The following COL12A1 variants were observed in gnomAD, a reference collection of about 807,000 sequenced individuals.
The protein encoded by COL12A1 is collagen alpha-1(XII) chain.
In COL12A1, 114 loss-of-function variants were observed where a neutral mutation model predicts 349.7. That is an observed-to-expected ratio of 0.33 (90% CI 0.28 to 0.38). The LOEUF is 0.38. Ranked by LOEUF, COL12A1 falls within the 10% of genes least tolerant of loss-of-function variation. The pLI is 1.00. For missense variants in COL12A1, 3,284 were observed against 3,756.9 expected (o/e 0.87, Z 3.29); for synonymous variants, 1,369 against 1,329.0 (o/e 1.03, Z -0.66).
chr6:75,182,763 C>T (rs1259650580), intron 10 of COL12A1, among the ~76,000 whole-genome samples: 1 of 152,184 alleles, frequency 6.6e-6, no homozygotes, highest in African/African-American at 2.4e-5. Flanking sequence ...GTAAATGACA[C>T]ATACATATGA....
chr6:75,191,851 A>G, intron 4 of COL12A1, 91 bp from the exon 5 acceptor site: 3 of 752,392 alleles, frequency 4.0e-6, no homozygotes, highest in Non-Finnish European at 5.8e-6. Context: ...AGTTTTTGTT[A>G]TTGTCTCTTA....
chr6:75,175,931 T>C (rs1768916307), intron 12 of COL12A1, among the ~76,000 whole-genome samples: 1 of 152,224 alleles, frequency 6.6e-6, no homozygotes, highest in Admixed American at 6.5e-5. Context: ...TCATGTCCTC[T>C]TTGAAGGTTC....
At chr6:75,192,126 G>C (rs1769962528) in intron 4 of COL12A1, 86 bp downstream of exon 4, 1 of 1,098,202 alleles carries the variant, frequency 9.1e-7, no homozygotes, top group Admixed American at 3.0e-5. Context: ...AATTAACTTT[G>C]TATCATAAAA....
intron 13 of COL12A1, among the ~76,000 whole-genome samples, chr6:75,174,770 A>C (rs889971880): frequency 2.0e-5 from 3 of 152,050 alleles, no homozygotes; most frequent in Non-Finnish European, 4.4e-5. Flanking sequence ...CTTTCAACCA[A>C]CCCATGGAAC....
chr6:75,174,583 T>C (rs966473693), intron 13 of COL12A1, among the ~76,000 whole-genome samples: 2 of 152,138 alleles, frequency 1.3e-5, no homozygotes, highest in African/African-American at 4.8e-5. Context: ...TGGATTCTTA[T>C]ATTTCTTGAG....
At position 75,159,391 on chromosome 6, in the gene COL12A1, C is replaced by T. The variant is rs4708175; in HGVS notation, c.2984-2868G>A. Among the ~76,000 whole-genome samples the T allele has an allele frequency of 2.7e-5, 4 of 146,024 alleles. No individual in the cohort carries two copies. In the Admixed American group the frequency reaches 2.8e-4, roughly 10 times the overall value. On this transcript the variant is annotated intron_variant, in intron 14 of 65. Coordinates refer to ENST00000322507, the MANE Select transcript of COL12A1 (RefSeq NM_004370.6). Reference sequence around the variant, plus strand: ...TATTATTATTCTCCAGGTACGTGAACTATTAAAAGAAAAAAAGTTTATATA... The same window carrying T: ...TATTATTATTCTCCAGGTACGTGAATTATTAAAAGAAAAAAAGTTTATATA...
chr6:75,113,381 ATAAT>A, intron 50 of COL12A1, 68 bp from the exon 51 acceptor site: 4 of 1,104,762 alleles, frequency 3.6e-6, no homozygotes, highest in Non-Finnish European at 5.0e-6. Flanking sequence ...GTATTAGCAA[ATAAT>A]TCTTGTTGGA....
chr6:75,095,674 T>A (rs1037449920), intron 59 of COL12A1, among the ~76,000 whole-genome samples: 1 of 151,314 alleles, frequency 6.6e-6, no homozygotes, highest in African/African-American at 2.4e-5. Context: ...TAAAAAACTC[T>A]TGACAACTAC....
intron 3 of COL12A1, among the ~76,000 whole-genome samples, chr6:75,192,882 C>T (rs2149480085): frequency 6.6e-6 from 1 of 152,166 alleles, no homozygotes; most frequent in Middle Eastern, 3.4e-3. Context: ...TAATGGGTAA[C>T]ATTGACCTCT....
intron 3 of COL12A1, among the ~76,000 whole-genome samples, chr6:75,193,684 A>G (rs1770069140): frequency 6.6e-6 from 1 of 151,330 alleles, no homozygotes; most frequent in African/African-American, 2.4e-5. Context: ...GCACCCATTA[A>G]CTCTTTACAT....
At chr6:75,150,630 G>A (rs1767432650) in intron 21 of COL12A1, among the ~76,000 whole-genome samples, 1 of 152,012 alleles carries the variant, frequency 6.6e-6, no homozygotes, top group Non-Finnish European at 1.5e-5. Flanking sequence ...ATTTAAAAAA[G>A]GTACCAAAAC....
chr6:75,146,392 A>C, intron 23 of COL12A1, 148 bp from the exon 24 acceptor site: 1 of 894,392 alleles, frequency 1.1e-6, no homozygotes, highest in Non-Finnish European at 1.5e-6. Context: ...AATCCTTCCC[A>C]TTGCCCCAAA....
intron 36 of COL12A1, among the ~76,000 whole-genome samples, chr6:75,130,536 T>C (rs1432166346): frequency 6.6e-6 from 1 of 151,892 alleles, no homozygotes. Flanking sequence ...CCCTCACATT[T>C]CCAAAGTCCC....
intron 53 of COL12A1, 146 bp downstream of exon 53, chr6:75,106,273 G>C: frequency 1.5e-6 from 1 of 654,336 alleles, no homozygotes; most frequent in Non-Finnish European, 2.6e-6. Context: ...CTTTTCTGTA[G>C]TAGCTGGTGA....
intron 10 of COL12A1, among the ~76,000 whole-genome samples, chr6:75,182,145 G>A (rs1170994593): frequency 6.6e-6 from 1 of 151,744 alleles, no homozygotes; most frequent in Non-Finnish European, 1.5e-5. Context: ...AGCCAACTGA[G>A]TGAAAGTGAT....
intron 10 of COL12A1, among the ~76,000 whole-genome samples, chr6:75,182,519 T>C (rs2149464560): frequency 6.6e-6 from 1 of 152,328 alleles, no homozygotes; most frequent in East Asian, 1.9e-4. Context: ...GCTTCATCCA[T>C]GTCCCTGAAA....
chr6:75,094,378 T>G (rs892326162), intron 60 of COL12A1, among the ~76,000 whole-genome samples: 1 of 152,114 alleles, frequency 6.6e-6, no homozygotes, highest in Non-Finnish European at 1.5e-5. Flanking sequence ...ATTGCTTAAA[T>G]AAATTCACAC....
chr6:75,129,271 C>G (rs536102379), intron 37 of COL12A1, among the ~76,000 whole-genome samples: 1 of 152,178 alleles, frequency 6.6e-6, no homozygotes, highest in East Asian at 1.9e-4. Context: ...AAAATAGGGA[C>G]TTGAATTAAA....
chr6:75,131,630 C>T (rs1766304644), intron 35 of COL12A1, among the ~76,000 whole-genome samples: 2 of 152,142 alleles, frequency 1.3e-5, no homozygotes, highest in Admixed American at 1.3e-4. Flanking sequence ...ATAGATTGGG[C>T]AATTTGTAAG....
Sources: allele counts gnomAD v4.1 joint callset (sites outside exome capture counted in the v4.1 genomes callset), GRCh38; gene constraint gnomAD v4.1.1; transcripts MANE v1.5; gene names NCBI Gene and HGNC (gene_info 2026-07-23, HGNC 2026-07-21).